Variants in SGCZ observed in about 807,000 individuals in gnomAD.
SGCZ encodes sarcoglycan zeta, also known as zeta-sarcoglycan.
Under a neutral mutation model 41.3 loss-of-function variants are expected in SGCZ, and 40 were observed. The ratio of observed to expected loss-of-function variants is 0.97; its 90% CI spans 0.75 to 1.26. The LOEUF (loss-of-function observed/expected upper bound fraction) is 1.26. Ranked by LOEUF, SGCZ falls within the 50% of genes most tolerant of loss-of-function variation. SGCZ has a pLI of 0.00. For synonymous variants in SGCZ, 206 were observed against 137.5 expected, an observed-to-expected ratio of 1.50 and a Z score of -3.49; for missense variants, 552 against 369.8, an observed-to-expected ratio of 1.49 and a Z score of -4.04.
At chr8:15,191,333 A>T (rs557312281) in intron 1 of SGCZ, among the ~76,000 whole-genome samples, 1 of 152,202 alleles carries the variant, frequency 6.6e-6, no homozygotes, top group African/African-American at 2.4e-5. Context: ...TTTCGTATTC[A>T]CAAGCATACC....
intron 2 of SGCZ, among the ~76,000 whole-genome samples, chr8:14,339,136 G>T (rs1468488488): frequency 6.6e-6 from 1 of 152,018 alleles, no homozygotes; most frequent in Admixed American, 6.6e-5. Context: ...AGAAAAATCA[G>T]TGCTACGAAA....
Position 14,613,490 on chromosome 8 carries a change from T to A in SGCZ, c.40-58564A>T, listed in dbSNP as rs545793854. Among the ~76,000 whole-genome samples, 33 of 152,298 alleles carry A rather than the reference T, an allele frequency of 2.2e-4. 1 individual carries two copies. In the South Asian group the frequency reaches 4.1e-3, roughly 19 times the overall value. On this transcript the variant is annotated intron_variant, in intron 1 of 7. Transcript: ENST00000382080. ...GTAACTTGAACTGAAATGTATTGTA[T>A]AACAACATCTAGGTGATATACTCTT...
intron 2 of SGCZ, among the ~76,000 whole-genome samples, chr8:14,330,908 C>T (rs1167592817): frequency 6.6e-6 from 1 of 151,930 alleles, no homozygotes; most frequent in Non-Finnish European, 1.5e-5. Flanking sequence ...AATTGAAGGA[C>T]TCCAAGAGCT....
intron 2 of SGCZ, among the ~76,000 whole-genome samples, chr8:14,423,312 T>C (rs1402449095): frequency 1.4e-5 from 2 of 145,344 alleles, no homozygotes. Context: ...TAAAGTATAA[T>C]AATAATAAAA....
At chr8:14,809,411 A>T (rs974382935) in intron 1 of SGCZ, among the ~76,000 whole-genome samples, 34 of 152,198 alleles carry the variant, frequency 2.2e-4, no homozygotes, top group African/African-American at 8.2e-4. Context: ...TGATAGAAGG[A>T]TATGAAATGG....
At chr8:14,926,369 T>C (rs1417724006) in intron 1 of SGCZ, among the ~76,000 whole-genome samples, 1 of 152,198 alleles carries the variant, frequency 6.6e-6, no homozygotes, top group East Asian at 1.9e-4. Flanking sequence ...ATAAGGTAAA[T>C]ACTTATAGAA....
intron 4 of SGCZ, among the ~76,000 whole-genome samples, chr8:14,197,232 T>C (rs1805294214): frequency 6.6e-6 from 1 of 152,108 alleles, no homozygotes; most frequent in Non-Finnish European, 1.5e-5. Flanking sequence ...CAAAAAATAA[T>C]ACTAATTCTC....
At position 14,342,664 on chromosome 8, in the gene SGCZ, G is replaced by A. The variant is rs1261094947; in HGVS notation, c.235-18460C>T. ...AGAGCATTCAAGAGGTGACTTGGGT[G>A]CTATTAAAGGCATTCAGTTTTAGTC... On this transcript the variant is annotated intron_variant, in intron 2 of 7. Coordinates refer to ENST00000382080, the MANE Select transcript of SGCZ (RefSeq NM_139167.4). Among the ~76,000 whole-genome samples, 4 of 152,114 alleles carry A rather than the reference G, an allele frequency of 2.6e-5. No individual in the cohort carries two copies. The East Asian group carries it at 7.7e-4, about 29-fold the overall frequency.
At chr8:14,771,084 T>C (rs1303255161) in intron 1 of SGCZ, among the ~76,000 whole-genome samples, 2 of 152,152 alleles carry the variant, frequency 1.3e-5, no homozygotes, top group African/African-American at 2.4e-5. Context: ...TTAGAGTTGC[T>C]GATCATGGAA....
At chr8:14,148,461 C>T (rs562176724) in intron 5 of SGCZ, among the ~76,000 whole-genome samples, 1 of 152,038 alleles carries the variant, frequency 6.6e-6, no homozygotes, top group African/African-American at 2.4e-5. Flanking sequence ...TAGACACATA[C>T]CATCTCCAGA....
intron 1 of SGCZ, among the ~76,000 whole-genome samples, chr8:15,052,865 T>C (rs1310691155): frequency 1.3e-5 from 2 of 152,158 alleles, no homozygotes; most frequent in East Asian, 3.9e-4. Context: ...GAACTCTCTA[T>C]GAAAAACATT....
In SGCZ at chr8:14,090,108, T is replaced by A. The variant is rs936265747; in HGVS notation, c.*335A>T. The A allele has an allele frequency of 1.1e-5, 2 of 180,620 alleles. No individual in the cohort carries two copies. Among genetic ancestry groups the A allele is most frequent in the African/African-American group, 4.7e-5 (2 of 42,634 alleles). The allele number at this position is 180,620 out of a possible 1,614,324, so 11.2% of individuals were successfully genotyped here. A position where few individuals can be genotyped will look rare whatever the true frequency, so the allele number is the denominator to read the frequency against. ...GAATTTCATTTATGTAATGTATATA[T>A]GTGCAGTTCATATCCAGGTCCTGCA... On this transcript the variant is annotated 3_prime_UTR_variant, in exon 8 of 8. Coordinates refer to ENST00000382080, the MANE Select transcript of SGCZ (RefSeq NM_139167.4).
chr8:14,330,129 C>T (rs1269185763), intron 2 of SGCZ, among the ~76,000 whole-genome samples: 2 of 152,016 alleles, frequency 1.3e-5, no homozygotes, highest in African/African-American at 4.8e-5. Context: ...ATTAGTATTT[C>T]TTATAAAATG....
At chr8:14,144,127 G>T (rs2116931983) in intron 5 of SGCZ, among the ~76,000 whole-genome samples, 1 of 152,258 alleles carries the variant, frequency 6.6e-6, no homozygotes, top group Non-Finnish European at 1.5e-5. Context: ...GGGAGGGCAT[G>T]TGACTGACAT....
chr8:14,375,607 A>G (rs1804092172), intron 2 of SGCZ, among the ~76,000 whole-genome samples: 1 of 152,182 alleles, frequency 6.6e-6, no homozygotes, highest in Admixed American at 6.5e-5. Context: ...ATTTTAAAAA[A>G]ATCCTATTAA....
At chr8:14,852,976 A>G (rs973062152) in intron 1 of SGCZ, among the ~76,000 whole-genome samples, 1 of 152,200 alleles carries the variant, frequency 6.6e-6, no homozygotes, top group Non-Finnish European at 1.5e-5. Context: ...ATGATCAGAT[A>G]TATACTGCTG....
chr8:14,337,857 G>C lies in SGCZ; in HGVS notation c.235-13653C>G, dbSNP rs140025695. Among the ~76,000 whole-genome samples, 21 of 152,272 alleles carry C rather than the reference G, an allele frequency of 1.4e-4. No homozygotes were observed. The South Asian group carries it at 2.9e-3, about 21-fold the overall frequency. On this transcript the variant is annotated intron_variant, in intron 2 of 7. Coordinates refer to ENST00000382080, the MANE Select transcript of SGCZ (RefSeq NM_139167.4). ...CCCACTTTTAGCAATGGAGATGGCA[G>C]AGCATTGACACAACAGATATAAATA...
intron 1 of SGCZ, among the ~76,000 whole-genome samples, chr8:14,937,256 A>G (rs1263557443): frequency 6.8e-6 from 1 of 146,572 alleles, no homozygotes; most frequent in Non-Finnish European, 1.5e-5. Context: ...TGTTATTTTA[A>G]AAATGTTGCA....
chr8:14,431,187 A>C (rs2117336535), intron 2 of SGCZ, among the ~76,000 whole-genome samples: 1 of 152,268 alleles, frequency 6.6e-6, no homozygotes, highest in Non-Finnish European at 1.5e-5. Flanking sequence ...GAGGAAAAAC[A>C]ATCCTAAAAT....
Sources: gnomAD v4.1 joint callset for allele counts (sites outside exome capture counted in the v4.1 genomes callset) on GRCh38, gnomAD v4.1.1 for gene constraint, MANE v1.5 for transcripts, NCBI Gene and HGNC (gene_info 2026-07-23, HGNC 2026-07-21) for gene names.